MSL2: variants seen among roughly 807,000 people sequenced by gnomAD.
MSL2 encodes the protein MSL complex subunit 2.
Under a neutral mutation model 35.8 loss-of-function variants are expected in MSL2, and 2 were observed. The ratio of observed to expected loss-of-function variants is 0.06; its 90% CI spans 0.02 to 0.18. The LOEUF (loss-of-function observed/expected upper bound fraction) is 0.18. Ranked by LOEUF, MSL2 falls within the 10% of genes least tolerant of loss-of-function variation. MSL2 has a pLI of 1.00. For missense variants in MSL2, 523 were observed against 706.7 expected (o/e 0.74, Z 2.95); for synonymous variants, 296 against 255.7 (o/e 1.16, Z -1.50).
At chr3:136,174,361 A>G (rs1940109429) in intron 1 of MSL2, among the ~76,000 whole-genome samples, 1 of 152,218 alleles carries the variant, frequency 6.6e-6, no homozygotes, top group African/African-American at 2.4e-5. Flanking sequence ...CCAGCCTAGA[A>G]TTATTTTCAC....
intron 1 of MSL2, chr3:136,194,305 T>A: frequency 1.7e-6 from 1 of 604,682 alleles, no homozygotes; most frequent in Non-Finnish European, 2.1e-6. Context: ...CACGAGTTAA[T>A]TTTTTTTAAC....
intron 1 of MSL2, among the ~76,000 whole-genome samples, chr3:136,178,005 A>G (rs1162322739): frequency 2.6e-5 from 4 of 152,144 alleles, no homozygotes; most frequent in African/African-American, 9.7e-5. Context: ...TGCACTTTTG[A>G]CGAATAAGTT....
chr3:136,163,490 G>A (rs1212776169), intron 1 of MSL2, among the ~76,000 whole-genome samples: 1 of 152,158 alleles, frequency 6.6e-6, no homozygotes, highest in Non-Finnish European at 1.5e-5. Context: ...AGAGCTTCTT[G>A]GACAAATGGC....
rs1205357272 is a variant in MSL2, at chr3:136,151,622, T to C, written c.1259A>G (p.His420Arg). 4 of 1,613,850 alleles carry C rather than the reference T, an allele frequency of 2.5e-6. No individual in the cohort carries two copies. The highest frequency in any genetic ancestry group is 1.3e-5 in the African/African-American group (1 of 74,886). Residue 420 changes from histidine (H) to arginine (R), a missense_variant, in exon 2 of 2, where the codon CAC (histidine) becomes CGC (arginine). By Grantham distance (29) the His-to-Arg change is conservative. Transcript: ENST00000309993. The surrounding 1 kb of genome is among the most constrained non-coding windows in gnomAD (Gnocchi z 5.2). ...KSHEHGSKKS[H>R]SKTKPGILKK... ...AAGAATACCTGGCTTGGTTTTAGAGTGAGATTTCTTGGATCCATGTTCATG... is the reference window on the plus strand; with the variant it reads ...AAGAATACCTGGCTTGGTTTTAGAGCGAGATTTCTTGGATCCATGTTCATG...
chr3:136,159,989 T>C (rs1939654122), intron 1 of MSL2, among the ~76,000 whole-genome samples: 2 of 151,776 alleles, frequency 1.3e-5, no homozygotes, highest in South Asian at 4.1e-4. Context: ...AATGAAAAAA[T>C]GGTCAGGCGA....
intron 1 of MSL2, among the ~76,000 whole-genome samples, chr3:136,176,167 G>A (rs923761042): frequency 2.0e-5 from 3 of 152,108 alleles, no homozygotes; most frequent in Non-Finnish European, 4.4e-5. Context: ...TATATTCTTT[G>A]CCCAATATAG....
intron 1 of MSL2, among the ~76,000 whole-genome samples, chr3:136,186,763 C>G (rs1940535242): frequency 6.6e-6 from 1 of 152,094 alleles, no homozygotes; most frequent in Admixed American, 6.6e-5. Context: ...TTACATATTA[C>G]AATGTAATAA....
intron 1 of MSL2, among the ~76,000 whole-genome samples, chr3:136,167,982 T>C (rs1363395992): frequency 6.6e-6 from 1 of 152,144 alleles, no homozygotes; most frequent in Non-Finnish European, 1.5e-5. Context: ...ATCTACACAG[T>C]ACCTCAATAA....
At position 136,150,432 on chromosome 3, in the gene MSL2, CCTT is replaced by C. The variant is rs1939323190; in HGVS notation, c.*712_*714del. The C allele has an allele frequency of 6.6e-6, 1 of 152,648 alleles. No homozygotes were observed. The highest frequency in any genetic ancestry group is 1.5e-5 in the Non-Finnish European group (1 of 68,048). The allele number at this position is 152,648 out of a possible 1,614,324, so 9.5% of individuals were successfully genotyped here. Reference sequence around the variant, plus strand: ...ATTACCTTCAGAATAAAACTACTCTCCTTCATTTATCCAATTAGAACACTGCTC... The same window carrying C: ...ATTACCTTCAGAATAAAACTACTCTCCATTTATCCAATTAGAACACTGCTC... On this transcript the variant is annotated 3_prime_UTR_variant, in exon 2 of 2. Coordinates refer to ENST00000309993, the MANE Select transcript of MSL2 (RefSeq NM_018133.4).
At chr3:136,186,821 G>A (rs186948787) in intron 1 of MSL2, among the ~76,000 whole-genome samples, 76 of 152,288 alleles carry the variant, frequency 5.0e-4, no homozygotes, top group Non-Finnish European at 3.4e-4. Context: ...GAATCATCCT[G>A]AAACCATCCC....
At position 136,195,100 on chromosome 3, in the gene MSL2, T is replaced by C. The variant is rs1576382293; in HGVS notation, c.14A>G (p.Asn5Ser). Residue 5 changes from asparagine (N) to serine (S), a missense_variant, in exon 1 of 2, where the codon AAT becomes AGT. Transcript: ENST00000309993. MNPV[N>S]ATALYISASR... ...CGCGGAAATGTAGAGAGCAGTAGCA[T>C]TCACGGGGTTCATTGCAGACACTTC... The C allele has an allele frequency of 1.2e-6, 2 of 1,610,354 alleles. No homozygotes were observed. The highest frequency in any genetic ancestry group is 3.3e-4 in the Middle Eastern group (2 of 6,052).
rs2108058538 is a variant in MSL2 at position 136,152,571 on chromosome 3, T to C, written c.310A>G (p.Lys104Glu). The change falls in exon 2 of 2, where the codon AAA becomes GAA. Residue 104 changes from lysine to glutamate, a missense_variant. This residue lies in a region of MSL2 where 41 missense variants were observed against 83.3 expected (regional missense o/e 0.49). Coordinates refer to ENST00000309993, the MANE Select transcript of MSL2 (RefSeq NM_018133.4). ...TGTGTTATATACTCGCATAGTTTTT[T>C]GTAGCAGTTCACTAGGATGCTTAAC... ...KQLSILVNCY[K>E]KLCEYITQTT... The C allele has an allele frequency of 6.2e-7, 1 of 1,614,220 alleles. No individual in the cohort carries two copies. The highest frequency in any genetic ancestry group is 8.5e-7 in the Non-Finnish European group (1 of 1,180,036).
chr3:136,170,606 T>A (rs1939999542), intron 1 of MSL2, among the ~76,000 whole-genome samples: 1 of 148,462 alleles, frequency 6.7e-6, no homozygotes, highest in Non-Finnish European at 1.5e-5. Context: ...CCTCCTGGGT[T>A]CAAGCGATTC....
intron 1 of MSL2, among the ~76,000 whole-genome samples, chr3:136,155,297 G>C (rs1939487655): frequency 6.6e-6 from 1 of 152,090 alleles, no homozygotes; most frequent in Non-Finnish European, 1.5e-5. Context: ...CTGACGTCAG[G>C]AGTTCAAGAC....
At chr3:136,179,860 G>GT (rs1296599046) in intron 1 of MSL2, among the ~76,000 whole-genome samples, 1 of 152,138 alleles carries the variant, frequency 6.6e-6, no homozygotes, top group African/African-American at 2.4e-5. Flanking sequence ...GAGGTCAAGA[G>GT]TTTGAGATCA....
intron 1 of MSL2, among the ~76,000 whole-genome samples, chr3:136,181,215 GCTC>G (rs1308651914): frequency 6.6e-6 from 1 of 151,952 alleles, no homozygotes; most frequent in Non-Finnish European, 1.5e-5. Context: ...ACATTTTTAT[GCTC>G]ATCATCTAGT....
chr3:136,192,220 T>G (rs1391966446), intron 1 of MSL2, among the ~76,000 whole-genome samples: 2 of 152,214 alleles, frequency 1.3e-5, no homozygotes, highest in Non-Finnish European at 2.9e-5. Flanking sequence ...TTGCCCAGTC[T>G]GGAGTGCAGT....
intron 1 of MSL2, among the ~76,000 whole-genome samples, chr3:136,160,146 C>G (rs1401145518): frequency 1.3e-5 from 2 of 151,362 alleles, no homozygotes; most frequent in East Asian, 1.9e-4. Flanking sequence ...CGTGATGGCA[C>G]ACGCCTGTAG....
chr3:136,189,903 A>T (rs761769435), intron 1 of MSL2, among the ~76,000 whole-genome samples: 1 of 151,958 alleles, frequency 6.6e-6, no homozygotes, highest in Non-Finnish European at 1.5e-5. Context: ...ACATGTACAA[A>T]ATGTTAATTG....
Sources: gnomAD v4.1 joint callset for allele counts (sites outside exome capture counted in the v4.1 genomes callset) on GRCh38, gnomAD v4.1.1 for gene constraint, gnomAD v4.1.1 regional missense constraint, Gnocchi (gnomAD v3.1) non-coding constraint, MANE v1.5 for transcripts, NCBI Gene and HGNC (gene_info 2026-07-23, HGNC 2026-07-21) for gene names.